Variants in ALG6 observed in about 807,000 individuals in gnomAD.
The protein encoded by ALG6 is dolichyl pyrophosphate Man9GlcNAc2 alpha-1,3-glucosyltransferase.
In ALG6, 46 loss-of-function variants were observed where a neutral mutation model predicts 66.6. The observed-to-expected ratio is 0.69, with a 90% CI of 0.55 to 0.88. The LOEUF (loss-of-function observed/expected upper bound fraction) is 0.88, where lower values mean the gene tolerates loss of function less well. Ranked by LOEUF, ALG6 falls within the 40% of genes least tolerant of loss-of-function variation. The pLI is 0.00. For missense variants in ALG6, 505 were observed against 586.8 expected, an observed-to-expected ratio of 0.86 and a Z score of 1.44; for synonymous variants, 185 against 203.7, an observed-to-expected ratio of 0.91 and a Z score of 0.78.
intron 2 of ALG6, among the ~76,000 whole-genome samples, chr1:63,379,612 A>G (rs1557580186): frequency 6.6e-6 from 1 of 151,950 alleles, no homozygotes; most frequent in Admixed American, 6.6e-5. Flanking sequence ...GCAAATGCTT[A>G]CTTCTCTGAA....
chr1:63,434,149 A>G lies in ALG6; in HGVS notation c.1327-2674A>G, dbSNP rs144102263. ...TGACTTACATTTTTAAAAGGTCCCT[A>G]TGGTAGCTATGTGGAGAACAGATTG... On this transcript the variant is annotated intron_variant, in intron 14 of 14. Coordinates refer to ENST00000263440, the MANE Select transcript of ALG6 (RefSeq NM_013339.4). Among the ~76,000 whole-genome samples, 307 of 152,334 alleles carry G rather than the reference A, an allele frequency of 2.0e-3. 2 individuals are homozygous for G. The highest frequency in any genetic ancestry group is 7.0e-3 in the African/African-American group (293 of 41,582).
intron 2 of ALG6, among the ~76,000 whole-genome samples, chr1:63,373,047 G>A (rs143657955): frequency 2.3e-4 from 35 of 151,280 alleles, no homozygotes; most frequent in African/African-American, 5.3e-4. Flanking sequence ...CACTTTCATC[G>A]TCCAGGCTAA....
chr1:63,427,065 A>G (rs1644618827), intron 12 of ALG6, among the ~76,000 whole-genome samples: 1 of 151,776 alleles, frequency 6.6e-6, no homozygotes, highest in African/African-American at 2.4e-5. Context: ...CAGTGGCACG[A>G]TCTCGGCTCA....
intron 3 of ALG6, among the ~76,000 whole-genome samples, chr1:63,399,383 C>T (rs756947377): frequency 3.9e-5 from 6 of 152,096 alleles, no homozygotes; most frequent in Non-Finnish European, 5.9e-5. Flanking sequence ...GACTTGCCTA[C>T]GCTCAAGGGG....
At position 63,401,414 on chromosome 1, in the gene ALG6, G is replaced by A. The variant is rs141981951; in HGVS notation, c.168-840G>A. On this transcript the variant is annotated intron_variant, in intron 3 of 14. Coordinates refer to ENST00000263440, the MANE Select transcript of ALG6 (RefSeq NM_013339.4). ...GGCATGGTGGCTCACCCCTGTAATCGCAGCACTTTGGGAGGCCGAGGAGGG... is the reference window on the plus strand; with the variant it reads ...GGCATGGTGGCTCACCCCTGTAATCACAGCACTTTGGGAGGCCGAGGAGGG... Among the ~76,000 whole-genome samples, 651 of 152,034 alleles carry A rather than the reference G, an allele frequency of 4.3e-3. 5 individuals are homozygous for A. Among genetic ancestry groups the A allele is most frequent in the African/African-American group, 0.015 (615 of 41,484 alleles).
intron 12 of ALG6, among the ~76,000 whole-genome samples, chr1:63,419,847 C>CT (rs5774651): frequency 2.0e-5 from 3 of 151,920 alleles, no homozygotes; most frequent in Non-Finnish European, 4.4e-5. Context: ...CCTTCTTTCT[C>CT]TTTTTTTGCC....
intron 2 of ALG6, among the ~76,000 whole-genome samples, chr1:63,395,827 G>A (rs1648808591): frequency 6.6e-6 from 1 of 152,148 alleles, no homozygotes; most frequent in Admixed American, 6.5e-5. Context: ...TCAGCCCTCT[G>A]TATCCATGGA....
At chr1:63,397,480 C>T (rs950602689) in intron 3 of ALG6, among the ~76,000 whole-genome samples, 9 of 152,158 alleles carry the variant, frequency 5.9e-5, no homozygotes, top group East Asian at 1.9e-4. Context: ...CCACCATGTG[C>T]GGCCTAGGTG....
chr1:63,416,070 T>C (rs906809995), intron 11 of ALG6, 113 bp downstream of exon 11: 3 of 801,538 alleles, frequency 3.7e-6, no homozygotes, highest in Non-Finnish European at 6.3e-6. Context: ...ATTCATTTAT[T>C]TGGCAGACAT....
At position 63,437,426 on chromosome 1, in the gene ALG6, G is replaced by A. The variant is rs182412810; in HGVS notation, c.*406G>A. On this transcript the variant is annotated 3_prime_UTR_variant, in exon 15 of 15. Coordinates refer to ENST00000263440, the MANE Select transcript of ALG6 (RefSeq NM_013339.4). Reference sequence around the variant, plus strand: ...ATATAGTGAGCTTCATGGGAGAATTGAGCCCCTTCTTTTTAATGGAAATCA... The same window carrying A: ...ATATAGTGAGCTTCATGGGAGAATTAAGCCCCTTCTTTTTAATGGAAATCA... 37 of 172,986 alleles carry A rather than the reference G, an allele frequency of 2.1e-4. No individual in the cohort carries two copies. Among genetic ancestry groups the A allele is most frequent in the Non-Finnish European group, 4.4e-4 (36 of 81,048 alleles). 10.7% of individuals were successfully genotyped at this position (172,986 alleles called of 1,614,324 possible). A position where few individuals can be genotyped will look rare whatever the true frequency, so the allele number is the denominator to read the frequency against.
At chr1:63,416,956 G>T (rs1383139977) in intron 11 of ALG6, among the ~76,000 whole-genome samples, 11 of 152,294 alleles carry the variant, frequency 7.2e-5, no homozygotes, top group Non-Finnish European at 1.5e-4. Flanking sequence ...ATGTAAGTAC[G>T]TTGGATAAAA....
intron 2 of ALG6, among the ~76,000 whole-genome samples, chr1:63,394,968 C>T (rs1056611604): frequency 2.0e-5 from 3 of 150,778 alleles, no homozygotes; most frequent in Non-Finnish European, 3.0e-5. Flanking sequence ...TGGGTTCAAG[C>T]GATTCTCCTG....
At chr1:63,369,405 G>C (rs1233016754) in intron 1 of ALG6, among the ~76,000 whole-genome samples, 1 of 152,108 alleles carries the variant, frequency 6.6e-6, no homozygotes, top group Non-Finnish European at 1.5e-5. Context: ...AAGGAGGGTG[G>C]ATCACCTGAG....
intron 12 of ALG6, among the ~76,000 whole-genome samples, chr1:63,427,167 A>ATT (rs534868219): frequency 1.0e-3 from 135 of 134,286 alleles, no homozygotes; most frequent in Non-Finnish European, 1.2e-3. Context: ...TGTCCAGCTA[A>ATT]TTTTTTTTTT....
At chr1:63,430,210 A>G (rs1644638816) in intron 14 of ALG6, among the ~76,000 whole-genome samples, 2 of 152,208 alleles carry the variant, frequency 1.3e-5, no homozygotes, top group African/African-American at 2.4e-5. Context: ...TTCATTTGTT[A>G]TAGCATATAT....
chr1:63,379,675 G>A (rs1648242585), intron 2 of ALG6, among the ~76,000 whole-genome samples: 1 of 151,664 alleles, frequency 6.6e-6, no homozygotes, highest in Non-Finnish European at 1.5e-5. Flanking sequence ...TCATGTTACT[G>A]CTAGTTCAGC....
chr1:63,431,240 GTAGT>G (rs1644643689), intron 14 of ALG6, among the ~76,000 whole-genome samples: 2 of 152,068 alleles, frequency 1.3e-5, no homozygotes, highest in South Asian at 4.1e-4. Flanking sequence ...CTGTAGCTTT[GTAGT>G]TAGTTTTGAA....
chr1:63,433,515 G>A lies in ALG6; in HGVS notation c.1327-3308G>A, dbSNP rs988056336. Among the ~76,000 whole-genome samples, 1 of 152,112 alleles carries A rather than the reference G, an allele frequency of 6.6e-6. No homozygotes were observed. The highest frequency in any genetic ancestry group is 1.5e-5 in the Non-Finnish European group (1 of 68,014). On this transcript the variant is annotated intron_variant, in intron 14 of 14. Coordinates refer to ENST00000263440, the MANE Select transcript of ALG6 (RefSeq NM_013339.4). The surrounding 1 kb of genome is among the most constrained non-coding windows in gnomAD (Gnocchi z 4.2). ...TTAAGAGGTGAACAGGAAAGACAAG[G>A]AGAGGATTAACTTTACTCAGGGGTT...
At position 63,400,206 on chromosome 1, in the gene ALG6, A is replaced by T. The variant is rs1273641240; in HGVS notation, c.168-2048A>T. On this transcript the variant is annotated intron_variant, in intron 3 of 14. Coordinates refer to ENST00000263440, the MANE Select transcript of ALG6 (RefSeq NM_013339.4). ...CAAAACTCTGTCTCAAAAAAAAAAA[A>T]ATATATATATATATACGTATATATA... 3.5e-3 allele frequency among the ~76,000 whole-genome samples: 128 copies of T among 36,428 alleles called. 16 individuals carry two copies. The highest frequency in any genetic ancestry group is 0.014 in the Middle Eastern group (1 of 70). 23.9% of individuals were successfully genotyped at this position (36,428 alleles called of 152,430 possible). A position where few individuals can be genotyped will look rare whatever the true frequency, so the allele number is the denominator to read the frequency against.
Sources: gnomAD v4.1 joint callset for allele counts (sites outside exome capture counted in the v4.1 genomes callset) on GRCh38, gnomAD v4.1.1 for gene constraint, Gnocchi (gnomAD v3.1) non-coding constraint, MANE v1.5 for transcripts, NCBI Gene and HGNC (gene_info 2026-07-23, HGNC 2026-07-21) for gene names.